HNRNPA1L2: variants seen among roughly 807,000 people sequenced by gnomAD.
HNRNPA1L2 encodes the protein heterogeneous nuclear ribonucleoprotein A1-like 2.
HNRNPA1L2 carries 10 observed loss-of-function variants against 18.2 expected under a neutral mutation model. The observed-to-expected ratio is 0.55, with a 90% CI of 0.34 to 0.93. The LOEUF is 0.93. Among genes scored for constraint, HNRNPA1L2 ranks in the 40% least tolerant of loss-of-function variants. HNRNPA1L2 has a pLI of 0.02. For missense variants in HNRNPA1L2, 308 were observed against 394.4 expected, an observed-to-expected ratio of 0.78 and a Z score of 1.85; for synonymous variants, 124 against 138.6, an observed-to-expected ratio of 0.89 and a Z score of 0.74.
the HNRNPA1L2 span, among the ~76,000 whole-genome samples, chr13:52,634,923 A>G: frequency 2.0e-5 from 3 of 152,260 alleles, no homozygotes; most frequent in African/African-American, 4.8e-5. Context: ...TGCCTGGAAC[A>G]TAGTACACAT....
chr13:52,620,045 A>G, the HNRNPA1L2 span, among the ~76,000 whole-genome samples: 1 of 151,690 alleles, frequency 6.6e-6, no homozygotes, highest in Admixed American at 6.6e-5. Flanking sequence ...TTTTCATTCT[A>G]ATTTTAAAGT....
At chr13:52,639,323 C>G (rs1348545642), upstream of HNRNPA1L2, among the ~76,000 whole-genome samples, 1 of 152,062 alleles carries the variant, frequency 6.6e-6, no homozygotes, top group Non-Finnish European at 1.5e-5. Context: ...GTAGGCTAGT[C>G]TAAGCTCTGA....
chr13:52,630,166 T>C, the HNRNPA1L2 span, among the ~76,000 whole-genome samples: 1 of 152,258 alleles, frequency 6.6e-6, no homozygotes, highest in East Asian at 1.9e-4. Context: ...TGTTCTGTAT[T>C]TACATAAAGT....
At chr13:52,619,919 CAAAAAA>C in the HNRNPA1L2 span, among the ~76,000 whole-genome samples, 232 of 69,164 alleles carry the variant, frequency 3.4e-3, no homozygotes, top group African/African-American at 0.012. Flanking sequence ...GATTCCGTCT[CAAAAAA>C]AAAAAAAAAA....
At chr13:52,633,477 A>G in the HNRNPA1L2 span, among the ~76,000 whole-genome samples, 13 of 152,216 alleles carry the variant, frequency 8.5e-5, no homozygotes, top group African/African-American at 3.1e-4. Flanking sequence ...GAAACTCAGT[A>G]CAAATGGTCT....
chr13:52,631,047 G>GT, the HNRNPA1L2 span, among the ~76,000 whole-genome samples: 15 of 152,212 alleles, frequency 9.9e-5, no homozygotes, highest in African/African-American at 3.6e-4. Context: ...CCTTCAGTGT[G>GT]TTAAAAAGCC....
the HNRNPA1L2 span, among the ~76,000 whole-genome samples, chr13:52,633,480 A>G: frequency 2.6e-5 from 4 of 152,308 alleles, no homozygotes; most frequent in African/African-American, 9.6e-5. Context: ...ACTCAGTACA[A>G]ATGGTCTCCA....
At chr13:52,639,075 C>T (rs1053616647), upstream of HNRNPA1L2, among the ~76,000 whole-genome samples, 24 of 152,240 alleles carry the variant, frequency 1.6e-4, no homozygotes, top group Non-Finnish European at 1.8e-4. Context: ...CACATGCAGA[C>T]GGTCTGGGGC....
chr13:52,642,610 C>T lies in HNRNPA1L2; in HGVS notation c.118C>T (p.Leu40Phe). The T allele has an allele frequency of 6.2e-7, 1 of 1,611,894 alleles. No individual in the cohort carries two copies. The highest frequency in any genetic ancestry group is 1.1e-5 in the South Asian group (1 of 90,968). Residue 40 changes from leucine to phenylalanine, a missense_variant, in exon 1 of 1, where the codon CTC becomes TTC. Leu to Phe is a conservative substitution (Grantham distance 22, BLOSUM62 0). Coordinates refer to ENST00000357495, the MANE Select transcript of HNRNPA1L2 (RefSeq NM_001389320.1). ...GAGCCATTTTGAGCAATGGGGAACG[C>T]TCACAGACTGTGTGGTAATGAGAGA... Reference protein sequence around the residue: ...LRSHFEQWGTLTDCVVMRDPN... With the variant: ...LRSHFEQWGTFTDCVVMRDPN...
At chr13:52,617,739 G>C in the HNRNPA1L2 span, 1 of 426,918 alleles carries the variant, frequency 2.3e-6, no homozygotes, top group Non-Finnish European at 4.2e-6. Context: ...TGTGCCCCGT[G>C]CTGTACATTC....
the HNRNPA1L2 span, among the ~76,000 whole-genome samples, chr13:52,627,027 G>C: frequency 6.6e-6 from 1 of 152,128 alleles, no homozygotes; most frequent in South Asian, 2.1e-4. Flanking sequence ...TTGGATATCT[G>C]ACAATTTGTT....
At chr13:52,642,203 T>A (rs149607565), upstream of HNRNPA1L2, 5 of 429,802 alleles carry the variant, frequency 1.2e-5, no homozygotes, top group East Asian at 2.1e-4. Flanking sequence ...GGATGTGGGA[T>A]TACCACAAAT....
At chr13:52,630,633 G>T in the HNRNPA1L2 span, among the ~76,000 whole-genome samples, 5 of 152,148 alleles carry the variant, frequency 3.3e-5, no homozygotes, top group Non-Finnish European at 5.9e-5. Flanking sequence ...TGTGTATTCC[G>T]TGGATTTGTT....
At chr13:52,619,980 G>T in the HNRNPA1L2 span, among the ~76,000 whole-genome samples, 1 of 146,996 alleles carries the variant, frequency 6.8e-6, no homozygotes, top group African/African-American at 2.5e-5. Context: ...ACCATATATT[G>T]AATATTATGA....
At chr13:52,639,985 A>C (rs1189839374), upstream of HNRNPA1L2, among the ~76,000 whole-genome samples, 2 of 144,802 alleles carry the variant, frequency 1.4e-5, no homozygotes, top group Non-Finnish European at 3.0e-5. Flanking sequence ...GTCACCTCCC[A>C]GGGTTCAAGC....
chr13:52,643,030 G>A lies in HNRNPA1L2; in HGVS notation c.538G>A (p.Ala180Thr). The change falls in exon 1 of 1, where the codon GCC becomes ACC. Residue 180 changes from alanine (A) to threonine (T), a missense_variant. Coordinates refer to ENST00000357495, the MANE Select transcript of HNRNPA1L2 (RefSeq NM_001389320.1). ...GGGCCACAACTGTGAAGTTAGAAAA[G>A]CCCTGCCAAAGCAAGAGATGGCTAG... ...VKGHNCEVRK[A>T]LPKQEMASAS... The A allele has an allele frequency of 6.3e-7, 1 of 1,597,604 alleles. No individual in the cohort carries two copies. Among genetic ancestry groups the A allele is most frequent in the Non-Finnish European group, 8.5e-7 (1 of 1,179,798 alleles).
chr13:52,642,553 T>C lies in HNRNPA1L2; in HGVS notation c.61T>C (p.Leu21=), dbSNP rs1594216712. 1.2e-6 allele frequency: 2 copies of C among 1,611,584 alleles called. No individual in the cohort carries two copies. Among genetic ancestry groups the C allele is most frequent in the Non-Finnish European group, 1.7e-6 (2 of 1,179,786 alleles). The change falls in exon 1 of 1, where the codon TTG becomes CTG. Residue 21 remains leucine, a synonymous_variant. Coordinates refer to ENST00000357495, the MANE Select transcript of HNRNPA1L2 (RefSeq NM_001389320.1). The part of the protein sequence containing the change: ...EQLRKLFIGG[L]SFETTDESLR... ...GCTGAGGAAGCTCTTCATTGGAGGG[T>C]TGAGCTTTGAAACAACTGATGAGAG...
the HNRNPA1L2 span, among the ~76,000 whole-genome samples, chr13:52,634,546 A>G: frequency 3.9e-4 from 60 of 152,332 alleles, no homozygotes; most frequent in South Asian, 0.012. Context: ...GAATAGCAAC[A>G]TATGGAAACT....
the HNRNPA1L2 span, among the ~76,000 whole-genome samples, chr13:52,624,353 C>A: frequency 6.6e-6 from 1 of 152,148 alleles, no homozygotes; most frequent in East Asian, 1.9e-4. Context: ...ACTTTGTGAT[C>A]CACCCTCCTC....
Sources: allele counts gnomAD v4.1 joint callset (sites outside exome capture counted in the v4.1 genomes callset), GRCh38; gene constraint gnomAD v4.1.1; transcripts MANE v1.5; gene names NCBI Gene and HGNC (gene_info 2026-07-23, HGNC 2026-07-21).